Variants in HIGD1C observed in about 807,000 individuals in gnomAD.
HIGD1C encodes the protein HIG1 domain family member 1C.
HIGD1C carries 11 observed loss-of-function variants against 13.1 expected under a neutral mutation model. That is an observed-to-expected ratio of 0.84 (90% CI 0.53 to 1.39). HIGD1C has a LOEUF of 1.39. HIGD1C is among the 40% of genes most tolerant of loss of function. The pLI is 0.00. For synonymous variants in HIGD1C, 36 were observed against 37.7 expected (o/e 0.95, Z 0.17); for missense variants, 110 against 112.0 (o/e 0.98, Z 0.08).
chr12:50,938,205 C>T, the HIGD1C span, among the ~76,000 whole-genome samples: 2 of 151,902 alleles, frequency 1.3e-5, no homozygotes, highest in Non-Finnish European at 2.9e-5. Context: ...TCCACCCCCC[C>T]ACCCCCCTAC....
At chr12:50,954,263 C>A (rs1939006227) in intron 1 of HIGD1C, 171 bp downstream of exon 3, 1 of 472,036 alleles carries the variant, frequency 2.1e-6, no homozygotes, top group East Asian at 3.3e-5. Context: ...ACATGGTAAG[C>A]CCCCAGTAAA....
At chr12:50,961,576 A>T (rs1939331532) in intron 2 of HIGD1C, among the ~76,000 whole-genome samples, 1 of 152,208 alleles carries the variant, frequency 6.6e-6, no homozygotes, top group Non-Finnish European at 1.5e-5. Context: ...GCAATAGGCA[A>T]ATCTTTTTTT....
chr12:50,957,154 C>T (rs1008854093), intron 1 of HIGD1C, among the ~76,000 whole-genome samples: 1 of 151,970 alleles, frequency 6.6e-6, no homozygotes, highest in Non-Finnish European at 1.5e-5. Context: ...CCCATAGACA[C>T]ACATATGCCA....
chr12:50,962,409 C>G (rs1411575950), intron 2 of HIGD1C, among the ~76,000 whole-genome samples: 1 of 149,420 alleles, frequency 6.7e-6, no homozygotes, highest in Non-Finnish European at 1.5e-5. Flanking sequence ...GAAACTCCAT[C>G]TAAAAAAAAG....
upstream of HIGD1C, among the ~76,000 whole-genome samples, chr12:50,950,988 G>GT (rs111545265): frequency 0.089 from 13,404 of 150,810 alleles, 861 homozygotes; most frequent in African/African-American, 0.18. Context: ...CCGGCCATAA[G>GT]TTTTTTTTTA....
intron 1 of HIGD1C, among the ~76,000 whole-genome samples, chr12:50,957,951 T>TGTGTGC (rs1565957124): frequency 8.6e-6 from 1 of 115,720 alleles, no homozygotes; most frequent in Non-Finnish European, 1.7e-5. Context: ...TGTGTGTGTG[T>TGTGTGC]GTGTGTGTGT....
intron 2 of HIGD1C, among the ~76,000 whole-genome samples, chr12:50,965,691 A>T (rs761477674): frequency 5.9e-5 from 9 of 152,164 alleles, no homozygotes; most frequent in Non-Finnish European, 8.8e-5. Flanking sequence ...CAAAGTATGG[A>T]TTAGTGTCAA....
At chr12:50,966,480 A>C (rs901832981) in intron 2 of HIGD1C, among the ~76,000 whole-genome samples, 7 of 152,120 alleles carry the variant, frequency 4.6e-5, no homozygotes, top group Non-Finnish European at 1.0e-4. Context: ...CCTGGTCTCC[A>C]CCCAAGAGAT....
At chr12:50,965,689 G>C (rs1471714782) in intron 2 of HIGD1C, among the ~76,000 whole-genome samples, 2 of 152,088 alleles carry the variant, frequency 1.3e-5, no homozygotes, top group Non-Finnish European at 2.9e-5. Context: ...ACCAAAGTAT[G>C]GATTAGTGTC....
chr12:50,958,215 T>A (rs1209010960), intron 1 of HIGD1C, among the ~76,000 whole-genome samples: 1 of 151,784 alleles, frequency 6.6e-6, no homozygotes, highest in Non-Finnish European at 1.5e-5. Context: ...AGGTTTTTGG[T>A]AGACATAGAC....
rs111730983 is a variant in HIGD1C, at chr12:50,968,535, T to C, written c.230-1907T>C. 7.0e-3 allele frequency among the ~76,000 whole-genome samples: 1,066 copies of C among 151,958 alleles called. 19 individuals are homozygous for C. The highest frequency in any genetic ancestry group is 0.024 in the African/African-American group (991 of 41,452). On this transcript the variant is annotated intron_variant, in intron 2 of 2. Coordinates refer to ENST00000398455, the Ensembl canonical transcript of HIGD1C. ...CCTAGCAGCTGGGACTACAGGCGTGTGCCACCATGCCCAGCTAATTTTTGT... is the reference window on the plus strand; with the variant it reads ...CCTAGCAGCTGGGACTACAGGCGTGCGCCACCATGCCCAGCTAATTTTTGT...
chr12:50,968,102 A>AGGAGGAGG (rs1565962747), intron 2 of HIGD1C, among the ~76,000 whole-genome samples: 11 of 147,240 alleles, frequency 7.5e-5, no homozygotes, highest in Non-Finnish European at 1.3e-4. Context: ...TAAGAAGAAG[A>AGGAGGAGG]AGGAGGAGGA....
At chr12:50,939,234 A>G in the HIGD1C span, among the ~76,000 whole-genome samples, 21 of 151,664 alleles carry the variant, frequency 1.4e-4, no homozygotes, top group Admixed American at 6.6e-4. Flanking sequence ...TGCAACTTCT[A>G]CCTCCCAAGT....
upstream of HIGD1C, among the ~76,000 whole-genome samples, chr12:50,950,508 G>C (rs77773219): frequency 0.074 from 11,294 of 151,830 alleles, 777 homozygotes; most frequent in East Asian, 0.28. Flanking sequence ...ACTAATAAAT[G>C]GTTGTTTGTT....
chr12:50,950,931 T>C (rs867038374), upstream of HIGD1C, among the ~76,000 whole-genome samples: 3 of 151,882 alleles, frequency 2.0e-5, no homozygotes, highest in African/African-American at 7.3e-5. Flanking sequence ...CCACCTGCCT[T>C]GCTTGGCTTC....
chr12:50,941,806 G>C, the HIGD1C span, among the ~76,000 whole-genome samples: 83,264 of 151,530 alleles, frequency 0.55, 24,153 homozygotes, highest in East Asian at 0.91. Context: ...TATCAACCAG[G>C]ACTGATTCCC....
chr12:50,962,592 G>A (rs1001673169), intron 2 of HIGD1C, among the ~76,000 whole-genome samples: 2 of 152,086 alleles, frequency 1.3e-5, no homozygotes, highest in African/African-American at 2.4e-5. Flanking sequence ...AGCTACTTGG[G>A]AGGCTGAGGC....
At chr12:50,954,062 A>G (rs1938997417) in exon 1 of HIGD1C, 2 of 1,612,384 alleles carry the variant, frequency 1.2e-6, no homozygotes. Context: ...ACTAATCAGG[A>G]AATCTAGAGA....
At chr12:50,940,911 C>T in the HIGD1C span, among the ~76,000 whole-genome samples, 1 of 151,776 alleles carries the variant, frequency 6.6e-6, no homozygotes, top group Non-Finnish European at 1.5e-5. Context: ...GTGATACGAT[C>T]ACAGCTCACT....
Sources: allele counts gnomAD v4.1 joint callset (sites outside exome capture counted in the v4.1 genomes callset), GRCh38; gene constraint gnomAD v4.1.1; transcripts MANE v1.5; gene names NCBI Gene and HGNC (gene_info 2026-07-23, HGNC 2026-07-21).